PUDP: variants seen among roughly 807,000 people sequenced by gnomAD.
PUDP encodes pseudouridine 5'-phosphatase.
PUDP carries 8 observed loss-of-function variants against 9.4 expected under a neutral mutation model. The ratio of observed to expected loss-of-function variants is 0.85; its 90% CI spans 0.50 to 1.53. The LOEUF is 1.53. Ranked by LOEUF, PUDP falls within the 40% of genes most tolerant of loss-of-function variation. The pLI, the probability that PUDP is intolerant of heterozygous loss-of-function variation, is 0.00. For missense variants in PUDP, 188 were observed against 189.7 expected (o/e 0.99, Z 0.05); for synonymous variants, 99 against 80.7 (o/e 1.23, Z -1.22).
At chrX:6,862,846 G>A (rs901785393) in intron 3 of PUDP, among the ~76,000 whole-genome samples, 7 of 110,558 alleles carry the variant, frequency 6.3e-5, no homozygotes, top group South Asian at 7.7e-4. Flanking sequence ...GGTGATGGTC[G>A]CTCACAATAT....
chrX:6,977,201 A>C (rs1928968829), exon 3 of PUDP, among the ~76,000 whole-genome samples: 1 of 111,965 alleles, frequency 8.9e-6, no homozygotes, highest in South Asian at 3.8e-4. Context: ...ACAGGCAGGA[A>C]GAACCCAATC....
chrX:6,959,122 G>A (rs7053537), intron 3 of PUDP, among the ~76,000 whole-genome samples: 37,889 of 110,963 alleles, frequency 0.34, 4,975 homozygotes, highest in Non-Finnish European at 0.41. Context: ...CAGGGGTGTG[G>A]CCAAGAGATA....
chrX:6,777,012 T>C (rs750818138), intron 3 of PUDP, among the ~76,000 whole-genome samples: 13 of 112,497 alleles, frequency 1.2e-4, no homozygotes. Flanking sequence ...GGATCTGAGC[T>C]CTTTCTGTGG....
At chrX:6,899,359 T>C (rs927571922) in intron 3 of PUDP, among the ~76,000 whole-genome samples, 3 of 112,240 alleles carry the variant, frequency 2.7e-5, no homozygotes, top group African/African-American at 9.7e-5. Context: ...CGAGGGAGAA[T>C]TGCTTGAGCT....
chrX:6,996,141 G>A (rs772835973), intron 1 of PUDP, among the ~76,000 whole-genome samples: 3 of 111,495 alleles, frequency 2.7e-5, no homozygotes, highest in Admixed American at 9.6e-5. Flanking sequence ...CATTTTCCCC[G>A]TCCAAAGGCA....
At chrX:6,929,391 G>C (rs1928155443) in intron 3 of PUDP, among the ~76,000 whole-genome samples, 1 of 112,196 alleles carries the variant, frequency 8.9e-6, no homozygotes, top group African/African-American at 3.2e-5. Context: ...CAAAAAGATG[G>C]GACAACCGGA....
intron 1 of PUDP, among the ~76,000 whole-genome samples, chrX:7,036,575 C>T (rs1260915666): frequency 9.2e-6 from 1 of 108,927 alleles, no homozygotes; most frequent in East Asian, 2.9e-4. Flanking sequence ...CCATCTTTTA[C>T]TTTTTGTTCT....
At chrX:6,986,007 A>AGT (rs1929097696) in intron 1 of PUDP, among the ~76,000 whole-genome samples, 1 of 111,486 alleles carries the variant, frequency 9.0e-6, no homozygotes, top group African/African-American at 3.3e-5. Context: ...TGGTGAAGAG[A>AGT]GTGACCTCTG....
At chrX:6,720,254 G>A (rs1222520723) in intron 1 of PUDP, among the ~76,000 whole-genome samples, 4 of 39,497 alleles carry the variant, frequency 1.0e-4, no homozygotes, top group African/African-American at 1.5e-4. Context: ...ATGTGTGTGT[G>A]TGTGTATATA....
intron 3 of PUDP, among the ~76,000 whole-genome samples, chrX:7,071,950 A>G (rs1306477971): frequency 9.1e-6 from 1 of 109,702 alleles, no homozygotes. Context: ...CAAATTTATC[A>G]TCATCATCAT....
At chrX:6,754,225 A>C (rs765836467) in intron 3 of PUDP, among the ~76,000 whole-genome samples, 1 of 111,296 alleles carries the variant, frequency 9.0e-6, no homozygotes, top group East Asian at 2.8e-4. Flanking sequence ...TATGATAGTG[A>C]GTGAGTTCTC....
chrX:6,908,613 T>C (rs1199055009), intron 3 of PUDP, among the ~76,000 whole-genome samples: 1 of 111,631 alleles, frequency 9.0e-6, no homozygotes, highest in African/African-American at 3.3e-5. Context: ...TCATGGAATA[T>C]GACAATAAGG....
intron 3 of PUDP, among the ~76,000 whole-genome samples, chrX:6,739,926 T>C (rs777404114): frequency 9.0e-6 from 1 of 111,333 alleles, no homozygotes; most frequent in Non-Finnish European, 1.9e-5. Context: ...GCTCTTCTCA[T>C]TTATTTATTA....
At chrX:6,835,538 G>T (rs1926568287) in intron 3 of PUDP, among the ~76,000 whole-genome samples, 1 of 111,666 alleles carries the variant, frequency 9.0e-6, no homozygotes, top group South Asian at 3.8e-4. Flanking sequence ...AATGCATAGG[G>T]AAATCTAGTT....
chrX:6,778,353 GAA>G (rs745646698), intron 3 of PUDP, among the ~76,000 whole-genome samples: 11 of 112,618 alleles, frequency 9.8e-5, no homozygotes, highest in African/African-American at 3.2e-4. Context: ...CCCCAACGAA[GAA>G]ACTGAGCTGA....
At chrX:6,743,588 A>T (rs2056906511) in intron 3 of PUDP, among the ~76,000 whole-genome samples, 1 of 112,143 alleles carries the variant, frequency 8.9e-6, no homozygotes, top group African/African-American at 3.3e-5. Context: ...TTCAATGGAC[A>T]TGGGGACATG....
intron 1 of PUDP, among the ~76,000 whole-genome samples, chrX:7,008,311 C>T (rs1206365447): frequency 1.8e-5 from 2 of 111,037 alleles, no homozygotes; most frequent in East Asian, 2.8e-4. Flanking sequence ...ATCCCAAGGT[C>T]GGTGAATCAC....
intron 3 of PUDP, among the ~76,000 whole-genome samples, chrX:7,054,848 A>G (rs1930197310): frequency 8.9e-6 from 1 of 112,270 alleles, no homozygotes; most frequent in African/African-American, 3.2e-5. Context: ...AAGTTTCAAA[A>G]GCTGATAGAA....
At chrX:7,065,346 C>T (rs958411395) in intron 3 of PUDP, among the ~76,000 whole-genome samples, 1 of 111,682 alleles carries the variant, frequency 9.0e-6, no homozygotes, top group Non-Finnish European at 1.9e-5. Flanking sequence ...GGAGAGTTAG[C>T]GCAGCTTGCT....
Sources: gnomAD v4.1 joint callset for allele counts (sites outside exome capture counted in the v4.1 genomes callset) on GRCh38, gnomAD v4.1.1 for gene constraint, MANE v1.5 for transcripts, NCBI Gene and HGNC (gene_info 2026-07-23, HGNC 2026-07-21) for gene names.